The following ST6GAL1 variants were observed in gnomAD, a reference collection of about 807,000 sequenced individuals.
The protein encoded by ST6GAL1 is beta-galactoside alpha-2,6-sialyltransferase 1.
A neutral mutation model predicts 38.0 loss-of-function variants in ST6GAL1; 20 were observed. The observed-to-expected ratio is 0.53, with a 90% CI of 0.37 to 0.77. The LOEUF is 0.77. Among genes scored for constraint, ST6GAL1 ranks in the 30% least tolerant of loss-of-function variants. The probability of loss-of-function intolerance (pLI) is 0.00; values close to 1 mark genes in which losing one functional copy is unlikely to be tolerated. For missense variants in ST6GAL1, 432 were observed against 496.4 expected (o/e 0.87, Z 1.23); for synonymous variants, 196 against 188.2 (o/e 1.04, Z -0.34).
intron 5 of ST6GAL1, among the ~76,000 whole-genome samples, chr3:187,067,638 G>A (rs1719213612): frequency 6.6e-6 from 1 of 152,078 alleles, no homozygotes; most frequent in Non-Finnish European, 1.5e-5. Context: ...AGTAGCTCAA[G>A]TGAATGGCTG....
intron 5 of ST6GAL1, among the ~76,000 whole-genome samples, chr3:187,061,511 C>G (rs1334992407): frequency 6.6e-6 from 1 of 151,822 alleles, no homozygotes; most frequent in Non-Finnish European, 1.5e-5. Flanking sequence ...GAGTGAGGTA[C>G]AAAGACAAAC....
At chr3:187,022,177 G>A (rs1399648165) in intron 2 of ST6GAL1, among the ~76,000 whole-genome samples, 2 of 152,170 alleles carry the variant, frequency 1.3e-5, no homozygotes, top group Non-Finnish European at 2.9e-5. Flanking sequence ...TGTAGGATCT[G>A]ACACTATTTC....
intron 2 of ST6GAL1, among the ~76,000 whole-genome samples, chr3:186,976,999 C>T (rs1242219725): frequency 6.6e-6 from 1 of 152,200 alleles, no homozygotes; most frequent in African/African-American, 2.4e-5. Context: ...GGCTTGCTTG[C>T]CAGAGGAGAT....
chr3:187,023,290 T>C (rs1717394192), intron 2 of ST6GAL1, among the ~76,000 whole-genome samples: 3 of 152,206 alleles, frequency 2.0e-5, no homozygotes. Context: ...CTACTCTAAT[T>C]GTCTGCATAT....
At chr3:186,990,461 G>T (rs988859345) in intron 2 of ST6GAL1, among the ~76,000 whole-genome samples, 5 of 152,096 alleles carry the variant, frequency 3.3e-5, no homozygotes, top group Non-Finnish European at 1.5e-5. Context: ...TTCAGTCCAT[G>T]GTGTTAATAT....
intron 2 of ST6GAL1, among the ~76,000 whole-genome samples, chr3:186,993,950 G>C (rs1390335713): frequency 6.6e-6 from 1 of 152,120 alleles, no homozygotes; most frequent in Admixed American, 6.5e-5. Flanking sequence ...CTCTGCTGCT[G>C]CATGTAGGTA....
intron 2 of ST6GAL1, among the ~76,000 whole-genome samples, chr3:186,965,079 T>G (rs1715060354): frequency 6.6e-6 from 1 of 152,174 alleles, no homozygotes; most frequent in South Asian, 2.1e-4. Context: ...GTGGTAGAAG[T>G]TGGCTGCATT....
In ST6GAL1 at chr3:186,995,538, T is replaced by G. The variant is rs376390656; in HGVS notation, c.-183+31612T>G. 2.7e-3 allele frequency among the ~76,000 whole-genome samples: 356 copies of G among 130,368 alleles called. 6 individuals are homozygous for G. The highest frequency in any genetic ancestry group is 0.01 in the African/African-American group (336 of 33,576). 85.5% of individuals were successfully genotyped at this position (130,368 alleles called of 152,430 possible). On this transcript the variant is annotated intron_variant, in intron 2 of 7. Transcript: ENST00000169298. ...AAATAATAATAAAATAAAAAAAAAATAAAGAAATTGTTAAAATGCAGGCTG... is the reference window on the plus strand; with the variant it reads ...AAATAATAATAAAATAAAAAAAAAAGAAAGAAATTGTTAAAATGCAGGCTG...
intron 2 of ST6GAL1, among the ~76,000 whole-genome samples, chr3:187,019,728 C>T (rs138084717): frequency 5.3e-5 from 8 of 152,256 alleles, no homozygotes; most frequent in African/African-American, 9.6e-5. Flanking sequence ...GAGCCCCTCT[C>T]GGAGGCACTA....
intron 2 of ST6GAL1, among the ~76,000 whole-genome samples, chr3:187,014,346 C>A (rs1717054301): frequency 6.6e-6 from 1 of 152,256 alleles, no homozygotes. Context: ...CTTTTGCCTT[C>A]TCAGTCTTGG....
At chr3:187,073,570 T>C (rs1342177318) in intron 6 of ST6GAL1, 1 of 154,386 alleles carries the variant, frequency 6.5e-6, no homozygotes, top group Non-Finnish European at 1.4e-5. Flanking sequence ...TGTTAATGCA[T>C]GTCAGTTGAC....
intron 1 of ST6GAL1, chr3:186,931,340 G>C (rs1157172078): frequency 1.3e-5 from 2 of 152,344 alleles, no homozygotes; most frequent in African/African-American, 4.8e-5. Flanking sequence ...CTCGGGGGAG[G>C]GAGTGGCTCT....
At position 187,075,496 on chromosome 3, in the gene ST6GAL1, C is replaced by T; in HGVS notation, c.980-66C>T. ...TTGGGGTCATGAGCTGCTGAACCCA[C>T]TGGGCAGAGCTCTGGGGTGCTGGGG... On this transcript the variant is annotated intron_variant, in intron 7 of 7. Coordinates refer to ENST00000169298, the MANE Select transcript of ST6GAL1 (RefSeq NM_173216.2). The surrounding 1 kb of genome is among the most constrained non-coding windows in gnomAD (Gnocchi z 4.1). The T allele has an allele frequency of 3.2e-6, 5 of 1,585,674 alleles. No homozygotes were observed. The highest frequency in any genetic ancestry group is 4.3e-6 in the Non-Finnish European group (5 of 1,162,446).
intron 1 of ST6GAL1, among the ~76,000 whole-genome samples, chr3:186,960,571 G>A (rs1030071289): frequency 3.9e-5 from 6 of 152,066 alleles, no homozygotes; most frequent in Non-Finnish European, 7.4e-5. Flanking sequence ...CAGGAAGCAC[G>A]TGAGTAGATA....
Position 187,036,898 on chromosome 3 carries a change from T to C in ST6GAL1, c.-182-1844T>C, listed in dbSNP as rs192077963. On this transcript the variant is annotated intron_variant, in intron 2 of 7. Coordinates refer to ENST00000169298, the MANE Select transcript of ST6GAL1 (RefSeq NM_173216.2). The stretch of plus-strand genomic sequence containing the variant: ...CCTGAATCTAACATATAAATTAAAA[T>C]TATTTTTTAAAAAAACCCTTTTCTT... 1.8e-4 allele frequency among the ~76,000 whole-genome samples: 28 copies of C among 152,274 alleles called. No homozygotes were observed. In the East Asian group the frequency reaches 5.2e-3, roughly 28 times the overall value.
chr3:187,023,444 C>G (rs1183417265), intron 2 of ST6GAL1, among the ~76,000 whole-genome samples: 1 of 152,188 alleles, frequency 6.6e-6, no homozygotes, highest in Non-Finnish European at 1.5e-5. Context: ...AGTAGGCAAT[C>G]AGCATTTGCT....
At chr3:186,942,614 G>T (rs576044402) in intron 1 of ST6GAL1, among the ~76,000 whole-genome samples, 49 of 152,230 alleles carry the variant, frequency 3.2e-4, no homozygotes, top group African/African-American at 1.1e-3. Flanking sequence ...TTTCTTTCCT[G>T]CAAGTGAAGA....
chr3:187,066,416 T>G (rs748259873), intron 5 of ST6GAL1, among the ~76,000 whole-genome samples: 2 of 152,080 alleles, frequency 1.3e-5, no homozygotes, highest in Admixed American at 6.5e-5. Flanking sequence ...ACATGACACA[T>G]TTAATCCTAA....
chr3:187,068,492 T>A (rs887918333), intron 5 of ST6GAL1, among the ~76,000 whole-genome samples: 1 of 152,230 alleles, frequency 6.6e-6, no homozygotes, highest in African/African-American at 2.4e-5. Context: ...TATTAACACT[T>A]ACTTCCTAGG....
Sources: gnomAD v4.1 joint callset for allele counts (sites outside exome capture counted in the v4.1 genomes callset) on GRCh38, gnomAD v4.1.1 for gene constraint, Gnocchi (gnomAD v3.1) non-coding constraint, MANE v1.5 for transcripts, NCBI Gene and HGNC (gene_info 2026-07-23, HGNC 2026-07-21) for gene names.